Variants in NLRP13 observed in about 807,000 individuals in gnomAD.
NLRP13 encodes NLR family pyrin domain containing 13.
A neutral mutation model predicts 94.4 loss-of-function variants in NLRP13; 82 were observed. That is an observed-to-expected ratio of 0.87 (90% confidence interval 0.73 to 1.04). The LOEUF (loss-of-function observed/expected upper bound fraction) is 1.04, where lower values mean the gene tolerates loss of function less well. Ranked by LOEUF, NLRP13 falls within the 50% of genes least tolerant of loss-of-function variation. The probability of loss-of-function intolerance (pLI) is 0.00; values close to 1 mark genes in which losing one functional copy is unlikely to be tolerated. For missense variants in NLRP13, 1,426 were observed against 1,230.8 expected, an observed-to-expected ratio of 1.16 and a Z score of -2.37; for synonymous variants, 553 against 464.7, an observed-to-expected ratio of 1.19 and a Z score of -2.45.
chr19:55,907,571 C>A (rs1393274281), intron 7 of NLRP13, among the ~76,000 whole-genome samples: 1 of 151,982 alleles, frequency 6.6e-6, no homozygotes, highest in Non-Finnish European at 1.5e-5. Context: ...GACCCTGTCT[C>A]AAAAACAAAA....
intron 1 of NLRP13, among the ~76,000 whole-genome samples, chr19:55,930,437 G>A (rs1046507702): frequency 6.6e-6 from 1 of 152,114 alleles, no homozygotes; most frequent in Non-Finnish European, 1.5e-5. Flanking sequence ...TGTAATCCCA[G>A]AATTTTGGGA....
chr19:55,921,406 T>TTA (rs926600588), intron 4 of NLRP13, among the ~76,000 whole-genome samples: 3 of 152,146 alleles, frequency 2.0e-5, no homozygotes, highest in African/African-American at 4.8e-5. Context: ...AAGCTTTAGA[T>TTA]TATATATATA....
intron 8 of NLRP13, among the ~76,000 whole-genome samples, chr19:55,904,389 A>C (rs1986277371): frequency 6.6e-6 from 1 of 151,998 alleles, no homozygotes; most frequent in Non-Finnish European, 1.5e-5. Context: ...TGCCCAGCCC[A>C]ACCTCAGGCC....
chr19:55,929,445 G>A (rs1033117887), intron 1 of NLRP13, among the ~76,000 whole-genome samples: 14 of 152,064 alleles, frequency 9.2e-5, no homozygotes, highest in Admixed American at 1.3e-4. Context: ...CTATGCAGCC[G>A]TAAAAAAGGA....
At chr19:55,907,226 G>A (rs1420110799) in intron 7 of NLRP13, among the ~76,000 whole-genome samples, 1 of 152,018 alleles carries the variant, frequency 6.6e-6, no homozygotes, top group Non-Finnish European at 1.5e-5. Context: ...CCAAAGTGCC[G>A]GGATTACAGG....
intron 1 of NLRP13, among the ~76,000 whole-genome samples, chr19:55,930,901 A>ATATATATATATTTTTTT (rs1338071833): frequency 1.0e-4 from 10 of 98,296 alleles, no homozygotes; most frequent in Admixed American, 2.8e-4. Flanking sequence ...TATATATAAA[A>ATATATATATATTTTTTT]TTTTAACCAG....
chr19:55,908,090 A>G, intron 6 of NLRP13, 134 bp from the exon 7 acceptor site: 1 of 760,352 alleles, frequency 1.3e-6, no homozygotes, highest in Non-Finnish European at 2.1e-6. Flanking sequence ...ATTAAAAACA[A>G]GGGCTGAGCC....
chr19:55,906,754 AC>A (rs5828659), intron 7 of NLRP13, among the ~76,000 whole-genome samples: 110,110 of 150,794 alleles, frequency 0.73, 40,373 homozygotes, highest in African/African-American at 0.81. Flanking sequence ...GTGTTTACAG[AC>A]CCCCCCCTGC....
intron 1 of NLRP13, among the ~76,000 whole-genome samples, chr19:55,931,567 G>T (rs1022864007): frequency 6.6e-6 from 1 of 150,782 alleles, no homozygotes; most frequent in Non-Finnish European, 1.5e-5. Flanking sequence ...AAATTAGCCG[G>T]GTGTGGTGGC....
downstream of NLRP13, among the ~76,000 whole-genome samples, chr19:55,892,918 ATG>A (rs1568683525): frequency 3.9e-5 from 6 of 152,196 alleles, no homozygotes. Flanking sequence ...GACCACATGC[ATG>A]TGTGTGTTCC....
intron 4 of NLRP13, among the ~76,000 whole-genome samples, chr19:55,915,356 G>A (rs1432700739): frequency 6.6e-6 from 1 of 152,040 alleles, no homozygotes; most frequent in Non-Finnish European, 1.5e-5. Context: ...CCAGCACTTT[G>A]GGAGGCCGAA....
chr19:55,924,112 C>T lies in NLRP13; in HGVS notation c.458-133G>A, dbSNP rs1257280934. ...TGAAGAGACTGGAGAAATCAGCATG[C>T]CCAGTTTATATTTTTTATTTATTTT... On this transcript the variant is annotated intron_variant, in intron 3 of 10. Coordinates refer to ENST00000342929, the MANE Select transcript of NLRP13 (RefSeq NM_176810.2). The T allele has an allele frequency of 2.3e-5, 16 of 692,406 alleles. No homozygotes were observed. The South Asian group carries it at 2.5e-4, about 11-fold the overall frequency. The allele number at this position is 692,406 out of a possible 1,614,324, so 42.9% of individuals were successfully genotyped here.
intron 9 of NLRP13, among the ~76,000 whole-genome samples, chr19:55,900,683 G>C (rs557713985): frequency 6.6e-6 from 1 of 150,922 alleles, no homozygotes; most frequent in African/African-American, 2.4e-5. Flanking sequence ...GGCTGAGACA[G>C]GAGAATGACG....
intron 4 of NLRP13, among the ~76,000 whole-genome samples, chr19:55,919,842 A>C (rs1007245296): frequency 6.6e-6 from 1 of 152,192 alleles, no homozygotes; most frequent in Non-Finnish European, 1.5e-5. Flanking sequence ...CCTAAAATTC[A>C]TATGGAACCA....
At chr19:55,908,510 G>A (rs1600265775) in intron 6 of NLRP13, among the ~76,000 whole-genome samples, 1 of 152,094 alleles carries the variant, frequency 6.6e-6, no homozygotes. Context: ...AGCAAAGACA[G>A]GAAATCAACC....
Position 55,910,647 on chromosome 19 carries a change from A to T in NLRP13, c.2198T>A (p.Leu733Gln), listed in dbSNP as rs1986482240. The T allele has an allele frequency of 1.2e-6, 2 of 1,613,696 alleles. No individual in the cohort carries two copies. Among genetic ancestry groups the T allele is most frequent in the Admixed American group, 1.7e-5 (1 of 60,004 alleles). Residue 733 changes from leucine (L) to glutamine (Q), a missense_variant, in exon 6 of 11, where the codon CTG becomes CAG. By Grantham distance (113) the Leu-to-Gln change is moderately radical. Transcript: ENST00000342929. ...VTNENLHELD[L>Q]SNSKLHASSV... ...GGAAGCATGAAGTTTGCTGTTACTC[A>T]GGTCTAGCTCATGCAGATTCTCATT...
At chr19:55,923,873 C>G in intron 4 of NLRP13, 41 bp downstream of exon 4, 1 of 1,488,692 alleles carries the variant, frequency 6.7e-7, no homozygotes, top group Non-Finnish European at 9.4e-7. Context: ...CAATGCTCGT[C>G]AAGCAACCTG....
chr19:55,900,955 C>A (rs1466650370), intron 9 of NLRP13, among the ~76,000 whole-genome samples: 2 of 151,582 alleles, frequency 1.3e-5, no homozygotes, highest in Admixed American at 1.3e-4. Context: ...GGAAGAATAA[C>A]AAATCCCTTG....
chr19:55,899,016 C>A, intron 9 of NLRP13, 79 bp from the exon 10 acceptor site: 2 of 1,446,070 alleles, frequency 1.4e-6, no homozygotes, highest in Non-Finnish European at 1.9e-6. Context: ...GCCCATCTCA[C>A]GTCCAAGGAA....
Sources: allele counts gnomAD v4.1 joint callset (sites outside exome capture counted in the v4.1 genomes callset), GRCh38; gene constraint gnomAD v4.1.1; transcripts MANE v1.5; gene names NCBI Gene and HGNC (gene_info 2026-07-23, HGNC 2026-07-21).